Variants in PACS1 observed in about 807,000 individuals in gnomAD.
PACS1 encodes the protein phosphofurin acidic cluster sorting protein 1.
A neutral mutation model predicts 115.0 loss-of-function variants in PACS1; 24 were observed. The observed-to-expected ratio is 0.21, with a 90% CI of 0.15 to 0.29. PACS1 has a LOEUF of 0.29. Among genes scored for constraint, PACS1 ranks in the 10% least tolerant of loss-of-function variants. PACS1 has a pLI of 1.00. For missense variants in PACS1, 838 were observed against 1,251.2 expected (o/e 0.67, Z 4.98); for synonymous variants, 453 against 504.5 (o/e 0.90, Z 1.37).
chr11:66,235,624 C>T lies in PACS1; in HGVS notation c.2207+221C>T. The stretch of plus-strand genomic sequence containing the variant: ...GAGTTCATCAGTTTCCTTTCCTGCC[C>T]TTCAGTATAAAGCAGCCCATCCTCA... On this transcript the variant is annotated intron_variant, in intron 18 of 23. Transcript: ENST00000320580. This position sits in a 1 kb window ranked among gnomAD's most constrained non-coding sequence, Gnocchi z 5.6. 3.3e-6 allele frequency: 2 copies of T among 600,474 alleles called. No individual in the cohort carries two copies. The highest frequency in any genetic ancestry group is 5.9e-6 in the Non-Finnish European group (2 of 336,510). 37.2% of individuals were successfully genotyped at this position (600,474 alleles called of 1,614,324 possible).
chr11:66,189,069 A>T (rs1263150898), intron 1 of PACS1, among the ~76,000 whole-genome samples: 1 of 152,154 alleles, frequency 6.6e-6, no homozygotes, highest in African/African-American at 2.4e-5. Context: ...CCCACCTCTT[A>T]GCATTACTGT....
At chr11:66,075,175 G>C (rs1857374548) in intron 1 of PACS1, among the ~76,000 whole-genome samples, 1 of 152,068 alleles carries the variant, frequency 6.6e-6, no homozygotes, top group Non-Finnish European at 1.5e-5. Context: ...GATCTCCTGA[G>C]CTTGTGATCT....
At chr11:66,210,725 C>T (rs1357141789) in intron 3 of PACS1, among the ~76,000 whole-genome samples, 1 of 152,236 alleles carries the variant, frequency 6.6e-6, no homozygotes, top group Non-Finnish European at 1.5e-5. Context: ...CACCACATCA[C>T]ATCTCCTTAG....
chr11:66,134,714 G>A (rs983923162), intron 1 of PACS1, among the ~76,000 whole-genome samples: 1 of 152,042 alleles, frequency 6.6e-6, no homozygotes, highest in Non-Finnish European at 1.5e-5. Flanking sequence ...TGTTCTGACC[G>A]ATGGTGCCCC....
intron 1 of PACS1, among the ~76,000 whole-genome samples, chr11:66,158,420 G>A (rs762578761): frequency 4.6e-5 from 7 of 152,232 alleles, no homozygotes; most frequent in Non-Finnish European, 7.3e-5. Flanking sequence ...AAGATAGGCC[G>A]GGCGTGGTGG....
chr11:66,167,190 C>A (rs980777647), intron 1 of PACS1, among the ~76,000 whole-genome samples: 2 of 150,316 alleles, frequency 1.3e-5, no homozygotes, highest in Non-Finnish European at 2.9e-5. Flanking sequence ...AGTGTTTCCT[C>A]TTCCGGAAAC....
At chr11:66,089,049 G>C (rs967738463) in intron 1 of PACS1, among the ~76,000 whole-genome samples, 8 of 152,084 alleles carry the variant, frequency 5.3e-5, no homozygotes, top group Non-Finnish European at 1.0e-4. Context: ...TTTTTAAGCT[G>C]TAGGCCCTAC....
chr11:66,137,022 G>GCC lies in PACS1; in HGVS notation c.357-56454_357-56453dup, dbSNP rs10719542. 7.2e-3 allele frequency among the ~76,000 whole-genome samples: 951 copies of GCC among 132,208 alleles called. 11 individuals carry two copies. The highest frequency in any genetic ancestry group is 0.036 in the East Asian group (160 of 4,440). 86.7% of individuals were successfully genotyped at this position (132,208 alleles called of 152,430 possible). On this transcript the variant is annotated intron_variant, in intron 1 of 23. Coordinates refer to ENST00000320580, the MANE Select transcript of PACS1 (RefSeq NM_018026.4). ...ATGTCTTGGATATGAGTCACAAATT[G>GCC]CCCCCCCCCCCACCATTTCGTCATT...
chr11:66,095,867 G>C (rs1454782827), intron 1 of PACS1, among the ~76,000 whole-genome samples: 1 of 152,108 alleles, frequency 6.6e-6, no homozygotes, highest in African/African-American at 2.4e-5. Context: ...GTGAATTCCA[G>C]CTGTCGAAAA....
chr11:66,175,617 T>TC (rs2134646649), intron 1 of PACS1, among the ~76,000 whole-genome samples: 2 of 152,328 alleles, frequency 1.3e-5, no homozygotes, highest in East Asian at 1.9e-4. Flanking sequence ...CTGTACAAAC[T>TC]CCATCAGTCC....
At position 66,113,522 on chromosome 11, in the gene PACS1, A is replaced by C. The variant is rs531571682; in HGVS notation, c.356+42680A>C. Among the ~76,000 whole-genome samples, 5 of 152,344 alleles carry C rather than the reference A, an allele frequency of 3.3e-5. No homozygotes were observed. The East Asian group carries it at 9.6e-4, about 29-fold the overall frequency. On this transcript the variant is annotated intron_variant, in intron 1 of 23. Transcript: ENST00000320580. ...GTATCTCCAAACAGATACTTTTACA[A>C]CGTAACAAGCAAGGAAAAAAAATGT...
rs148237222 is a variant in PACS1 at position 66,230,585 on chromosome 11, C to T, written c.1412C>T (p.Thr471Met). 5.5e-5 allele frequency: 88 copies of T among 1,613,948 alleles called. No individual in the cohort carries two copies. The highest frequency in any genetic ancestry group is 3.9e-4 in the African/African-American group (29 of 74,888). Residue 471 changes from threonine (T) to methionine (M), a missense_variant, in exon 12 of 24, where the codon ACG (threonine) becomes ATG (methionine). Physicochemically the swap from Thr to Met is moderately conservative, Grantham distance 81. Transcript: ENST00000320580. ...CAGGACATGTTTGGAGATGCCAGCACGAGTCTGGTTGTGCCGGAGAAAGTC... is the reference window on the plus strand; with the variant it reads ...CAGGACATGTTTGGAGATGCCAGCATGAGTCTGGTTGTGCCGGAGAAAGTC... Reference protein sequence around the residue: ...TDQDMFGDASTSLVVPEKVKT... With the variant: ...TDQDMFGDASMSLVVPEKVKT...
At chr11:66,173,636 G>A (rs545490669) in intron 1 of PACS1, among the ~76,000 whole-genome samples, 2 of 152,216 alleles carry the variant, frequency 1.3e-5, no homozygotes, top group African/African-American at 4.8e-5. Flanking sequence ...CTTGAACCCG[G>A]GAGGCAGAAG....
Position 66,244,744 on chromosome 11 carries a change from C to G in PACS1, c.*1464C>G, listed in dbSNP as rs1855887128. ...CAATAAATTGGTGATTTCTTACCGA[C>G]TGCCTTGGGCTTCTATGCCCCCTCA... On this transcript the variant is annotated 3_prime_UTR_variant, in exon 24 of 24. Coordinates refer to ENST00000320580, the MANE Select transcript of PACS1 (RefSeq NM_018026.4). 1 of 152,258 alleles carries G rather than the reference C, an allele frequency of 6.6e-6. No homozygotes were observed. Among genetic ancestry groups the G allele is most frequent in the Non-Finnish European group, 1.5e-5 (1 of 68,076 alleles). The allele number at this position is 152,258 out of a possible 1,614,324, so 9.4% of individuals were successfully genotyped here.
chr11:66,220,697 T>C lies in PACS1; in HGVS notation c.1105T>C (p.Leu369=), dbSNP rs748105948. The change falls in exon 9 of 24, where the codon TTG becomes CTG. Residue 369 remains leucine (L), a synonymous_variant. Transcript: ENST00000320580. ...GGAAGTGGAAGAGGACTTGGATGAA[T>C]TGTATGACAGTCTGGAGATGTACAA... The part of the protein sequence containing the change: ...IREVEEDLDE[L]YDSLEMYNPS... The C allele has an allele frequency of 5.6e-6, 9 of 1,614,152 alleles. No homozygotes were observed. The Admixed American group carries it at 1.5e-4, about 27-fold the overall frequency.
intron 1 of PACS1, among the ~76,000 whole-genome samples, chr11:66,177,760 C>T (rs367605912): frequency 6.6e-6 from 1 of 152,244 alleles, no homozygotes; most frequent in Middle Eastern, 3.4e-3. Context: ...ACAGCTCTCA[C>T]ACCACCATGC....
chr11:66,224,666 T>G (rs1048127529), intron 10 of PACS1, among the ~76,000 whole-genome samples: 5 of 152,176 alleles, frequency 3.3e-5, no homozygotes, highest in African/African-American at 1.2e-4. Context: ...GATATTTCTA[T>G]TTTGAAGAGC....
chr11:66,217,605 C>T, intron 7 of PACS1: 1 of 456,240 alleles, frequency 2.2e-6, no homozygotes, highest in South Asian at 1.5e-5. Flanking sequence ...AATGAGGTGT[C>T]ACTGGACTTC....
At chr11:66,200,000 C>CTG (rs1249487317) in intron 2 of PACS1, among the ~76,000 whole-genome samples, 2 of 147,828 alleles carry the variant, frequency 1.4e-5, no homozygotes, top group African/African-American at 5.0e-5. Flanking sequence ...ACCCAGGCAA[C>CTG]TGTGCGAGAC....
Sources: gnomAD v4.1 joint callset for allele counts (sites outside exome capture counted in the v4.1 genomes callset) on GRCh38, gnomAD v4.1.1 for gene constraint, Gnocchi (gnomAD v3.1) non-coding constraint, MANE v1.5 for transcripts, NCBI Gene and HGNC (gene_info 2026-07-23, HGNC 2026-07-21) for gene names.